FOXJ3: variants seen among roughly 807,000 people sequenced by gnomAD.
The protein encoded by FOXJ3 is forkhead box J3.
Under a neutral mutation model 76.1 loss-of-function variants are expected in FOXJ3, and 22 were observed. The ratio of observed to expected loss-of-function variants is 0.29; its 90% confidence interval spans 0.21 to 0.41. FOXJ3 has a LOEUF of 0.41. Ranked by LOEUF, FOXJ3 falls within the 10% of genes least tolerant of loss-of-function variation. The pLI is 1.00. For missense variants in FOXJ3, 613 were observed against 762.1 expected, an observed-to-expected ratio of 0.80 and a Z score of 2.30; for synonymous variants, 269 against 261.2, an observed-to-expected ratio of 1.03 and a Z score of -0.29.
chr1:42,304,355 C>T (rs980974692), intron 2 of FOXJ3, among the ~76,000 whole-genome samples: 1 of 151,914 alleles, frequency 6.6e-6, no homozygotes, highest in Non-Finnish European at 1.5e-5. Context: ...TCAATGCAAT[C>T]CCTATCAAAA....
chr1:42,199,325 A>C, intron 6 of FOXJ3, 95 bp from the exon 7 acceptor site: 2 of 1,072,646 alleles, frequency 1.9e-6, no homozygotes, highest in South Asian at 1.5e-5. Flanking sequence ...GCAAGAAGAA[A>C]AAAATCTCAG....
intron 3 of FOXJ3, among the ~76,000 whole-genome samples, chr1:42,265,403 A>G (rs1207544402): frequency 4.6e-5 from 7 of 152,156 alleles, no homozygotes; most frequent in African/African-American, 2.4e-5. Flanking sequence ...TTTCTAGAGG[A>G]TTTCATAAAA....
Position 42,179,674 on chromosome 1 carries a change from G to A in FOXJ3, c.*36C>T. Reference sequence around the variant, plus strand: ...ACCTTTCCCTTCACTGCACAGAAAGGTAACGTTAGGGTCTGGTGTCTTGCA... The same window carrying A: ...ACCTTTCCCTTCACTGCACAGAAAGATAACGTTAGGGTCTGGTGTCTTGCA... On this transcript the variant is annotated 3_prime_UTR_variant, in exon 13 of 13. Transcript: ENST00000361346. 7.7e-7 allele frequency: 1 copy of A among 1,299,594 alleles called. No homozygotes were observed. The highest frequency in any genetic ancestry group is 1.1e-6 in the Non-Finnish European group (1 of 894,472). 80.5% of individuals were successfully genotyped at this position (1,299,594 alleles called of 1,614,324 possible). A position where few individuals can be genotyped will look rare whatever the true frequency, so the allele number is the denominator to read the frequency against.
intron 4 of FOXJ3, among the ~76,000 whole-genome samples, chr1:42,239,859 C>T (rs2124517147): frequency 6.6e-6 from 1 of 152,266 alleles, no homozygotes; most frequent in African/African-American, 2.4e-5. Flanking sequence ...ATCATCTATT[C>T]CCTTGCAAGC....
intron 6 of FOXJ3, among the ~76,000 whole-genome samples, chr1:42,203,354 C>T (rs548046704): frequency 5.3e-5 from 8 of 152,284 alleles, no homozygotes; most frequent in African/African-American, 1.4e-4. Context: ...GAATGCTGCA[C>T]CCTATACTTA....
chr1:42,224,128 C>G (rs949498975), intron 5 of FOXJ3, among the ~76,000 whole-genome samples: 2 of 152,060 alleles, frequency 1.3e-5, no homozygotes, highest in Admixed American at 1.3e-4. Flanking sequence ...TAACAACTTG[C>G]CAAAAGTCAC....
intron 1 of FOXJ3, among the ~76,000 whole-genome samples, chr1:42,316,021 A>T (rs1469088850): frequency 6.6e-6 from 1 of 152,206 alleles, no homozygotes; most frequent in Non-Finnish European, 1.5e-5. Context: ...CTTTTAACAT[A>T]AGCAGTATTC....
At chr1:42,256,341 TG>T (rs1650584165) in intron 4 of FOXJ3, among the ~76,000 whole-genome samples, 1 of 152,230 alleles carries the variant, frequency 6.6e-6, no homozygotes, top group South Asian at 2.1e-4. Context: ...AGGAAAGACT[TG>T]TATCCAGAAT....
intron 9 of FOXJ3, among the ~76,000 whole-genome samples, chr1:42,190,942 ACCAC>A (rs1307233686): frequency 2.0e-5 from 3 of 152,176 alleles, no homozygotes; most frequent in Non-Finnish European, 1.5e-5. Context: ...TCTACCACTT[ACCAC>A]AGTATGATCT....
At chr1:42,276,269 T>C (rs563399104) in intron 3 of FOXJ3, among the ~76,000 whole-genome samples, 18 of 151,936 alleles carry the variant, frequency 1.2e-4, no homozygotes, top group African/African-American at 3.9e-4. Context: ...GGCGGGAGAA[T>C]TGCTTGAACC....
At chr1:42,237,832 T>C (rs1648811551) in intron 4 of FOXJ3, among the ~76,000 whole-genome samples, 1 of 152,002 alleles carries the variant, frequency 6.6e-6, no homozygotes, top group South Asian at 2.1e-4. Context: ...ATATTAATTT[T>C]TTGTTCACTC....
intron 1 of FOXJ3, among the ~76,000 whole-genome samples, chr1:42,311,866 G>C (rs1052725186): frequency 3.3e-5 from 5 of 152,196 alleles, no homozygotes; most frequent in South Asian, 4.1e-4. Flanking sequence ...CTGCAAGCTT[G>C]TTGTTAGAAT....
At chr1:42,324,178 AAATT>A (rs1655668732) in intron 1 of FOXJ3, among the ~76,000 whole-genome samples, 1 of 104,672 alleles carries the variant, frequency 9.6e-6, no homozygotes, top group African/African-American at 3.2e-5. Context: ...TAGTATATAT[AAATT>A]CTAGGAATAT....
intron 1 of FOXJ3, among the ~76,000 whole-genome samples, chr1:42,317,514 T>TAAAAAAAAA: frequency 9.4e-6 from 1 of 106,398 alleles, no homozygotes; most frequent in Non-Finnish European, 1.9e-5. Flanking sequence ...AGAGAAACCA[T>TAAAAAAAAA]AAAAAAAAAA....
intron 4 of FOXJ3, among the ~76,000 whole-genome samples, chr1:42,254,948 A>G (rs1202469839): frequency 6.6e-6 from 1 of 151,926 alleles, no homozygotes; most frequent in Non-Finnish European, 1.5e-5. Context: ...CATGTACCCT[A>G]AAACTTAAAG....
At chr1:42,288,431 T>C (rs1653201557) in intron 2 of FOXJ3, among the ~76,000 whole-genome samples, 2 of 152,228 alleles carry the variant, frequency 1.3e-5, no homozygotes, top group South Asian at 2.1e-4. Flanking sequence ...ATTTACTGGA[T>C]ATTCTTTCAT....
intron 2 of FOXJ3, among the ~76,000 whole-genome samples, chr1:42,308,887 T>C (rs1557715210): frequency 6.7e-6 from 1 of 149,948 alleles, no homozygotes; most frequent in Non-Finnish European, 1.5e-5. Flanking sequence ...AGATTTAAAA[T>C]TTCAGTCAAT....
chr1:42,324,668 T>C (rs764602480), intron 1 of FOXJ3, among the ~76,000 whole-genome samples: 5 of 152,128 alleles, frequency 3.3e-5, no homozygotes, highest in Non-Finnish European at 7.4e-5. Context: ...CAAGCTTGAA[T>C]GGCATGTTAC....
intron 2 of FOXJ3, among the ~76,000 whole-genome samples, chr1:42,307,809 A>G (rs1253996775): frequency 6.6e-6 from 1 of 152,216 alleles, no homozygotes; most frequent in Non-Finnish European, 1.5e-5. Context: ...ACTGGTATAA[A>G]AAAGGCAAGT....
Sources: allele counts gnomAD v4.1 joint callset (sites outside exome capture counted in the v4.1 genomes callset), GRCh38; gene constraint gnomAD v4.1.1; transcripts MANE v1.5; gene names NCBI Gene and HGNC (gene_info 2026-07-23, HGNC 2026-07-21).